CEMIP: variants seen among roughly 807,000 people sequenced by gnomAD.
CEMIP encodes the protein cell migration-inducing and hyaluronan-binding protein.
A neutral mutation model predicts 156.9 loss-of-function variants in CEMIP; 105 were observed. The ratio of observed to expected loss-of-function variants is 0.67; its 90% CI spans 0.57 to 0.79. CEMIP has a LOEUF of 0.79. Ranked by LOEUF, CEMIP falls within the 30% of genes least tolerant of loss-of-function variation. CEMIP has a pLI of 0.00. For missense variants in CEMIP, 1,457 were observed against 1,769.4 expected (o/e 0.82, Z 3.17); for synonymous variants, 676 against 668.4 (o/e 1.01, Z -0.17).
Position 80,949,760 on chromosome 15 carries a change from G to A in CEMIP, c.*836G>A, listed in dbSNP as rs977160182. On this transcript the variant is annotated 3_prime_UTR_variant, in exon 30 of 30. Transcript: ENST00000394685. ...TGCAATGCCAGGTGGAGAAATCACA[G>A]AGAGGTAAAATGGAGGCCAGTGCCA... is the stretch of plus-strand genomic sequence containing the variant. 1 of 152,418 alleles carries A rather than the reference G, an allele frequency of 6.6e-6. No homozygotes were observed. The highest frequency in any genetic ancestry group is 1.5e-5 in the Non-Finnish European group (1 of 68,182). 9.4% of individuals were successfully genotyped at this position (152,418 alleles called of 1,614,324 possible).
Position 80,922,132 on chromosome 15 carries a change from T to G in CEMIP, c.2197T>G (p.Tyr733Asp), listed in dbSNP as rs777806791. Residue 733 changes from tyrosine (Y) to aspartate (D), a missense_variant, in exon 17 of 30, where the codon TAC becomes GAC. By Grantham distance (160) the Tyr-to-Asp change is radical. Transcript: ENST00000394685. ...KFYNNRAHSN[Y>D]RAGMIIDNGV... ...CTATAACAACCGAGCACATTCCAAC[T>G]ACCGGGTAAGTCTTTCCAGGCTGCG... 1 of 1,614,108 alleles carries G rather than the reference T, an allele frequency of 6.2e-7. No individual in the cohort carries two copies. The highest frequency in any genetic ancestry group is 1.3e-5 in the African/African-American group (1 of 74,954).
intron 14 of CEMIP, among the ~76,000 whole-genome samples, chr15:80,911,336 A>G (rs539706743): frequency 6.6e-6 from 1 of 152,370 alleles, no homozygotes; most frequent in South Asian, 2.1e-4. Flanking sequence ...AGGAAAGATA[A>G]CAGGCTTCAC....
chr15:80,829,252 G>A (rs527604776), intron 1 of CEMIP, among the ~76,000 whole-genome samples: 24 of 152,276 alleles, frequency 1.6e-4, no homozygotes, highest in East Asian at 1.4e-3. Flanking sequence ...TGTCTTTCCC[G>A]CTTGGGCCCT....
At chr15:80,925,022 A>T (rs1900606899) in intron 18 of CEMIP, among the ~76,000 whole-genome samples, 1 of 152,212 alleles carries the variant, frequency 6.6e-6, no homozygotes, top group African/African-American at 2.4e-5. Context: ...AGATGAAGAG[A>T]ACAGAAGGGA....
chr15:80,811,738 G>A (rs1386050090), intron 1 of CEMIP, among the ~76,000 whole-genome samples: 2 of 152,122 alleles, frequency 1.3e-5, no homozygotes, highest in African/African-American at 2.4e-5. Context: ...CTATGTCTTC[G>A]TAGAGATGGG....
At chr15:80,862,427 A>T (rs1197728184) in intron 1 of CEMIP, among the ~76,000 whole-genome samples, 1 of 152,216 alleles carries the variant, frequency 6.6e-6, no homozygotes, top group Non-Finnish European at 1.5e-5. Flanking sequence ...CTGGAGGGAC[A>T]GTCGGGAGAG....
At chr15:80,819,852 G>A (rs1284715880) in intron 1 of CEMIP, among the ~76,000 whole-genome samples, 3 of 152,188 alleles carry the variant, frequency 2.0e-5, no homozygotes, top group African/African-American at 7.2e-5. Context: ...TTTTGTGGAT[G>A]GAGGAAACTG....
At chr15:80,920,967 C>T in intron 15 of CEMIP, 65 bp from the exon 16 acceptor site, 1 of 1,368,666 alleles carries the variant, frequency 7.3e-7, no homozygotes, top group Non-Finnish European at 1.0e-6. Context: ...CCTGCACCTG[C>T]CATGTGGCAG....
intron 23 of CEMIP, among the ~76,000 whole-genome samples, chr15:80,935,421 A>G (rs1381787807): frequency 6.6e-6 from 1 of 152,200 alleles, no homozygotes; most frequent in Admixed American, 6.5e-5. Context: ...TCATCGTTAG[A>G]GCTTGCCAGA....
chr15:80,935,775 A>G (rs945735054), intron 23 of CEMIP, among the ~76,000 whole-genome samples: 2 of 152,212 alleles, frequency 1.3e-5, no homozygotes, highest in South Asian at 2.1e-4. Context: ...CTTGTTGCCC[A>G]GGCTGGAGTG....
At chr15:80,867,273 C>T (rs1026843756) in intron 1 of CEMIP, among the ~76,000 whole-genome samples, 3 of 152,140 alleles carry the variant, frequency 2.0e-5, no homozygotes, top group East Asian at 1.9e-4. Flanking sequence ...AGAAAGTGCA[C>T]GCTGGAATAG....
intron 12 of CEMIP, among the ~76,000 whole-genome samples, chr15:80,899,188 G>C (rs1263722478): frequency 1.4e-5 from 2 of 146,310 alleles, no homozygotes; most frequent in Non-Finnish European, 3.0e-5. Flanking sequence ...ACTCCAGCCT[G>C]GGTGACAGAG....
intron 12 of CEMIP, among the ~76,000 whole-genome samples, chr15:80,899,656 A>AG (rs147367979): frequency 0.022 from 3,395 of 151,986 alleles, 145 homozygotes; most frequent in African/African-American, 0.079. Context: ...CTCGAGAGAG[A>AG]GGGAGGGGCC....
At chr15:80,861,363 G>A (rs1897982837) in intron 1 of CEMIP, among the ~76,000 whole-genome samples, 1 of 152,164 alleles carries the variant, frequency 6.6e-6, no homozygotes, top group Admixed American at 6.5e-5. Flanking sequence ...ATAAAATCCA[G>A]ACTCCTTAAC....
chr15:80,943,669 C>T (rs1451034302), intron 28 of CEMIP, among the ~76,000 whole-genome samples: 1 of 152,226 alleles, frequency 6.6e-6, no homozygotes, highest in African/African-American at 2.4e-5. Context: ...CTTTCCTCCA[C>T]ATGCTATCAT....
At chr15:80,876,172 G>A (rs1160229933) in intron 3 of CEMIP, among the ~76,000 whole-genome samples, 1 of 152,182 alleles carries the variant, frequency 6.6e-6, no homozygotes, top group African/African-American at 2.4e-5. Flanking sequence ...GCGTGGCTGG[G>A]AATTCACCAC....
intron 1 of CEMIP, among the ~76,000 whole-genome samples, chr15:80,862,897 A>G (rs536023563): frequency 1.3e-4 from 20 of 152,330 alleles, no homozygotes; most frequent in Non-Finnish European, 2.4e-4. Flanking sequence ...ATGGGCGTCT[A>G]TGGTCTGGGG....
chr15:80,927,322 C>T (rs1329655740), intron 19 of CEMIP, among the ~76,000 whole-genome samples: 2 of 152,096 alleles, frequency 1.3e-5, no homozygotes, highest in East Asian at 3.9e-4. Context: ...AACCTTCCTA[C>T]CATATGAGAC....
At chr15:80,838,144 G>A (rs1897305832) in intron 1 of CEMIP, among the ~76,000 whole-genome samples, 1 of 152,220 alleles carries the variant, frequency 6.6e-6, no homozygotes. Context: ...GGAATTCCAG[G>A]CAGAGTAGGA....
Sources: allele counts gnomAD v4.1 joint callset (sites outside exome capture counted in the v4.1 genomes callset), GRCh38; gene constraint gnomAD v4.1.1; transcripts MANE v1.5; gene names NCBI Gene and HGNC (gene_info 2026-07-23, HGNC 2026-07-21).